Variants in PDE5A observed in about 807,000 individuals in gnomAD.
PDE5A encodes phosphodiesterase 5A, also known as cGMP-specific 3',5'-cyclic phosphodiesterase.
In PDE5A, 67 loss-of-function variants were observed where a neutral mutation model predicts 110.2. That is an observed-to-expected ratio of 0.61 (90% CI 0.50 to 0.75). The LOEUF is 0.75. Ranked by LOEUF, PDE5A falls within the 30% of genes least tolerant of loss-of-function variation. PDE5A has a pLI of 0.00. For missense variants in PDE5A, 862 were observed against 1,045.1 expected, an observed-to-expected ratio of 0.82 and a Z score of 2.42; for synonymous variants, 328 against 351.2, an observed-to-expected ratio of 0.93 and a Z score of 0.74.
intron 15 of PDE5A, among the ~76,000 whole-genome samples, chr4:119,510,222 A>G (rs1285649160): frequency 2.0e-5 from 3 of 152,046 alleles, no homozygotes; most frequent in Non-Finnish European, 2.9e-5. Context: ...TGGAACCTAA[A>G]GTAACTAGAG....
chr4:119,609,900 T>C (rs1451411582), intron 1 of PDE5A, among the ~76,000 whole-genome samples: 1 of 152,174 alleles, frequency 6.6e-6, no homozygotes, highest in Non-Finnish European at 1.5e-5. Context: ...ATAAAATTCT[T>C]GTCAATTAAA....
chr4:119,620,258 C>A (rs569692456), intron 1 of PDE5A, among the ~76,000 whole-genome samples: 3 of 152,088 alleles, frequency 2.0e-5, no homozygotes, highest in Non-Finnish European at 4.4e-5. Flanking sequence ...GTGAGTAGTT[C>A]GCTTGGGTCT....
At chr4:119,625,011 CTTTTTTTT>C (rs536749949) in intron 1 of PDE5A, among the ~76,000 whole-genome samples, 1 of 139,304 alleles carries the variant, frequency 7.2e-6, no homozygotes, top group Non-Finnish European at 1.6e-5. Context: ...CAAGTTATAG[CTTTTTTTT>C]TTTTTTTTTG....
chr4:119,517,648 T>G (rs1274753137), intron 14 of PDE5A, among the ~76,000 whole-genome samples: 1 of 151,628 alleles, frequency 6.6e-6, no homozygotes, highest in Non-Finnish European at 1.5e-5. Context: ...CAGATGTTTT[T>G]GGGGTAATTA....
intron 1 of PDE5A, among the ~76,000 whole-genome samples, chr4:119,618,508 C>T (rs946611020): frequency 6.6e-6 from 1 of 151,948 alleles, no homozygotes; most frequent in African/African-American, 2.4e-5. Flanking sequence ...CTAATATCTA[C>T]ACTTACATAT....
At position 119,520,975 on chromosome 4, in the gene PDE5A, GC is replaced by G; in HGVS notation, c.1864del (p.Ala622LeufsTer8). 1 of 1,612,468 alleles carries G rather than the reference GC, an allele frequency of 6.2e-7. No homozygotes were observed. Among genetic ancestry groups the G allele is most frequent in the Non-Finnish European group, 8.5e-7 (1 of 1,178,924 alleles). ...TTTTAGAGCAGCAAACATGCACTGA[GC>G]TGTATTAAAGGCATGTCTCCAATTA... Reference protein sequence around the residue: ...YHNWRHAFNTAQCMFAALKAG... With the variant: ...YHNWRHAFNTXQCMFAALKAG... On this transcript the variant is annotated frameshift_variant, in exon 13 of 21. Transcript: ENST00000354960. LOFTEE classifies it high-confidence loss of function.
chr4:119,505,720 C>T (rs1403227992), intron 17 of PDE5A, 135 bp downstream of exon 17: 3 of 595,104 alleles, frequency 5.0e-6, no homozygotes, highest in Admixed American at 7.7e-5. Flanking sequence ...GTACAACCCT[C>T]TGGAGAAATC....
Position 119,504,751 on chromosome 4 carries a change from A to G in PDE5A, c.2268-152T>C, listed in dbSNP as rs192511279. 1.9e-5 allele frequency: 10 copies of G among 527,840 alleles called. No individual in the cohort carries two copies. In the East Asian group the frequency reaches 2.4e-4, roughly 13 times the overall value. 32.7% of individuals were successfully genotyped at this position (527,840 alleles called of 1,614,324 possible). The stretch of plus-strand genomic sequence containing the variant: ...CAAAGAAAAAGAAACAATTTATATG[A>G]AAGTCTAACTAATACATTGATAACA... On this transcript the variant is annotated intron_variant, in intron 17 of 20. Coordinates refer to ENST00000354960, the MANE Select transcript of PDE5A (RefSeq NM_001083.4).
intron 1 of PDE5A, among the ~76,000 whole-genome samples, chr4:119,609,406 T>C (rs1729664597): frequency 6.6e-6 from 1 of 152,158 alleles, no homozygotes; most frequent in South Asian, 2.1e-4. Context: ...TATGTACTGA[T>C]ATGTATGATA....
chr4:119,596,643 A>C, intron 2 of PDE5A, 31 bp from the exon 3 acceptor site: 2 of 1,212,718 alleles, frequency 1.6e-6, no homozygotes, highest in Non-Finnish European at 2.4e-6. Flanking sequence ...CAATTTAATG[A>C]CTGACCTGTT....
At chr4:119,564,999 C>T (rs1469911619) in intron 5 of PDE5A, among the ~76,000 whole-genome samples, 4 of 152,016 alleles carry the variant, frequency 2.6e-5, no homozygotes, top group Admixed American at 1.3e-4. Flanking sequence ...AGAACTAAAA[C>T]CATTATTTAA....
intron 1 of PDE5A, 121 bp from the exon 2 acceptor site, chr4:119,607,418 A>G (rs1027873389): frequency 6.0e-6 from 4 of 671,582 alleles, no homozygotes; most frequent in Non-Finnish European, 9.9e-6. Context: ...GTTATAGAAA[A>G]TAAAAACAAG....
intron 3 of PDE5A, among the ~76,000 whole-genome samples, chr4:119,577,952 A>C (rs528478598): frequency 3.9e-5 from 6 of 152,272 alleles, no homozygotes; most frequent in South Asian, 2.1e-4. Context: ...CGTCTCAGCC[A>C]AAAATCTCCT....
intron 14 of PDE5A, among the ~76,000 whole-genome samples, chr4:119,514,365 A>G (rs564100489): frequency 3.9e-5 from 6 of 152,218 alleles, no homozygotes; most frequent in Admixed American, 6.5e-5. Flanking sequence ...TTAGCCATAT[A>G]TATTACTCTG....
intron 4 of PDE5A, among the ~76,000 whole-genome samples, chr4:119,565,614 A>T (rs1344079469): frequency 6.6e-6 from 1 of 152,120 alleles, no homozygotes; most frequent in African/African-American, 2.4e-5. Context: ...TAAATCAATA[A>T]GGAGAAAAAG....
chr4:119,596,494 A>AATTTTAAAATGGAATATAAAATT, intron 3 of PDE5A, 29 bp downstream of exon 3: 1 of 1,225,924 alleles, frequency 8.2e-7, no homozygotes, highest in East Asian at 2.4e-5. Context: ...ATTTCCAATG[A>AATTTTAAAATGGAATATAAAATT]CCTTTTATAA....
chr4:119,543,760 C>T (rs757449360), intron 9 of PDE5A: 1 of 152,478 alleles, frequency 6.6e-6, no homozygotes, highest in Non-Finnish European at 1.5e-5. Flanking sequence ...CAGGTCTGCA[C>T]TGCTCCCCAT....
intron 2 of PDE5A, 33 bp downstream of exon 2, chr4:119,606,676 G>T: frequency 6.6e-7 from 1 of 1,523,406 alleles, no homozygotes; most frequent in Non-Finnish European, 9.1e-7. Context: ...CCCCTCCCCA[G>T]CACTGGTCCT....
intron 3 of PDE5A, among the ~76,000 whole-genome samples, chr4:119,592,257 T>C (rs1320772129): frequency 6.8e-6 from 1 of 147,836 alleles, no homozygotes; most frequent in Non-Finnish European, 1.5e-5. Context: ...AGATCGTAGC[T>C]ATCCTGGCTA....
Sources: allele counts gnomAD v4.1 joint callset (sites outside exome capture counted in the v4.1 genomes callset), GRCh38; gene constraint gnomAD v4.1.1; transcripts MANE v1.5; gene names NCBI Gene and HGNC (gene_info 2026-07-23, HGNC 2026-07-21).